CRACD: variants seen among roughly 807,000 people sequenced by gnomAD.
CRACD encodes capping protein inhibiting regulator of actin dynamics.
In CRACD, 56 loss-of-function variants were observed where a neutral mutation model predicts 106.8. The ratio of observed to expected loss-of-function variants is 0.52; its 90% CI spans 0.42 to 0.66. The LOEUF is 0.66. Among genes scored for constraint, CRACD ranks in the 30% least tolerant of loss-of-function variants. The pLI is 0.00. For missense variants in CRACD, 1,730 were observed against 1,623.2 expected (o/e 1.07, Z -1.13); for synonymous variants, 754 against 670.8 (o/e 1.12, Z -1.92).
At chr4:56,313,481 A>G in intron 7 of CRACD, 102 bp downstream of exon 7, 1 of 1,029,140 alleles carries the variant, frequency 9.7e-7, no homozygotes, top group Non-Finnish European at 1.4e-6. Context: ...TAAAGACCTG[A>G]GAGTCTCCCC....
intron 2 of CRACD, among the ~76,000 whole-genome samples, chr4:56,226,137 C>A (rs1235900847): frequency 1.3e-5 from 2 of 152,004 alleles, no homozygotes; most frequent in African/African-American, 4.8e-5. Flanking sequence ...GGGTTTTCTA[C>A]CAAGGTTGGA....
At chr4:56,222,590 C>A (rs911982210) in intron 2 of CRACD, among the ~76,000 whole-genome samples, 12 of 152,012 alleles carry the variant, frequency 7.9e-5, no homozygotes, top group African/African-American at 2.7e-4. Context: ...TAAAAGAATT[C>A]ACTTTATGCC....
chr4:56,237,575 C>T (rs1159636197), intron 2 of CRACD, among the ~76,000 whole-genome samples: 1 of 152,022 alleles, frequency 6.6e-6, no homozygotes, highest in Non-Finnish European at 1.5e-5. Context: ...AATATTTAAT[C>T]ATTTGCCTGT....
intron 2 of CRACD, among the ~76,000 whole-genome samples, chr4:56,245,453 T>G (rs1360561128): frequency 1.3e-5 from 2 of 152,158 alleles, no homozygotes; most frequent in East Asian, 1.9e-4. Context: ...AGCAAACAAA[T>G]GCAGAAATGT....
intron 5 of CRACD, among the ~76,000 whole-genome samples, chr4:56,310,282 G>A (rs928899904): frequency 6.6e-5 from 10 of 152,148 alleles, no homozygotes; most frequent in African/African-American, 2.2e-4. Flanking sequence ...CTGGAGAAGG[G>A]GAGAGGCAGC....
rs530001228 is a variant in CRACD, at chr4:56,234,571, CTGTT to C, written c.-188-37745_-188-37742del. On this transcript the variant is annotated intron_variant, in intron 2 of 10. Coordinates refer to ENST00000682029, the MANE Select transcript of CRACD (RefSeq NM_001393381.1). ...TGGTGATTCCATCAATTTTTAAACT[CTGTT>C]TGTTATAATAAAAATATTATTTTTG... 8.6e-4 allele frequency among the ~76,000 whole-genome samples: 131 copies of C among 152,130 alleles called. 1 individual carries two copies. The highest frequency in any genetic ancestry group is 2.0e-3 in the Admixed American group (31 of 15,266).
At chr4:56,256,868 G>A (rs1741387176) in intron 2 of CRACD, among the ~76,000 whole-genome samples, 1 of 152,094 alleles carries the variant, frequency 6.6e-6, no homozygotes, top group Non-Finnish European at 1.5e-5. Context: ...ACTAGTTCAG[G>A]CCATTATGGG....
intron 8 of CRACD, among the ~76,000 whole-genome samples, chr4:56,322,278 A>G (rs1490042569): frequency 1.3e-5 from 2 of 152,224 alleles, no homozygotes; most frequent in Non-Finnish European, 2.9e-5. Flanking sequence ...CCAATAAGAC[A>G]TTATCATCTC....
intron 3 of CRACD, among the ~76,000 whole-genome samples, chr4:56,278,991 A>G (rs1742841819): frequency 6.6e-6 from 1 of 152,246 alleles, no homozygotes; most frequent in Non-Finnish European, 1.5e-5. Flanking sequence ...GATAGACAGT[A>G]ACAAGTGTTG....
At chr4:56,204,381 G>A (rs754043929) in intron 2 of CRACD, among the ~76,000 whole-genome samples, 3 of 152,290 alleles carry the variant, frequency 2.0e-5, no homozygotes, top group African/African-American at 4.8e-5. Context: ...TGGGAAGTTC[G>A]AGGTCAAGGG....
intron 2 of CRACD, among the ~76,000 whole-genome samples, chr4:56,222,698 C>T (rs1222062182): frequency 6.6e-6 from 1 of 152,030 alleles, no homozygotes; most frequent in Non-Finnish European, 1.5e-5. Flanking sequence ...GTAATCCCAG[C>T]ACTTTGGGAG....
chr4:56,204,472 G>A (rs1738030342), intron 2 of CRACD, among the ~76,000 whole-genome samples: 1 of 152,234 alleles, frequency 6.6e-6, no homozygotes, highest in African/African-American at 2.4e-5. Context: ...GAGCAAGACA[G>A]AAGGGGTGGA....
At chr4:56,204,561 C>T (rs1356313549) in intron 2 of CRACD, among the ~76,000 whole-genome samples, 1 of 152,184 alleles carries the variant, frequency 6.6e-6, no homozygotes, top group Non-Finnish European at 1.5e-5. Context: ...GACCTGATCA[C>T]CTCTTAAAGA....
chr4:56,135,022 G>A (rs903376199), intron 1 of CRACD, among the ~76,000 whole-genome samples: 1 of 151,942 alleles, frequency 6.6e-6, no homozygotes, highest in East Asian at 1.9e-4. Flanking sequence ...GGTGACTCAC[G>A]CCTGTAATCC....
intron 1 of CRACD, among the ~76,000 whole-genome samples, chr4:56,091,166 C>A (rs1733412669): frequency 1.3e-5 from 2 of 152,010 alleles, no homozygotes; most frequent in South Asian, 2.1e-4. Context: ...AATCTTTGTG[C>A]CTCAGCCTCC....
intron 1 of CRACD, among the ~76,000 whole-genome samples, chr4:56,119,455 C>T (rs1026335815): frequency 1.3e-5 from 2 of 151,948 alleles, no homozygotes; most frequent in African/African-American, 2.4e-5. Context: ...CTCAGACTCC[C>T]AAGTAGCTGG....
At chr4:56,287,889 T>A (rs968144472) in intron 3 of CRACD, among the ~76,000 whole-genome samples, 8 of 152,234 alleles carry the variant, frequency 5.3e-5, no homozygotes, top group Non-Finnish European at 1.2e-4. Context: ...TGTTTTAAGA[T>A]GTAGGTAGAA....
chr4:56,051,195 G>A (rs1301907394), intron 1 of CRACD, among the ~76,000 whole-genome samples: 1 of 152,094 alleles, frequency 6.6e-6, no homozygotes, highest in Non-Finnish European at 1.5e-5. Flanking sequence ...TGTAGTCATG[G>A]AAAGAAAGAA....
Position 56,314,535 on chromosome 4 carries a change from A to G in CRACD, c.1033A>G (p.Arg345Gly), listed in dbSNP as rs181288707. The G allele has an allele frequency of 9.9e-3, 14,947 of 1,507,448 alleles. 103 individuals carry two copies. Among genetic ancestry groups the G allele is most frequent in the Middle Eastern group, 0.034 (144 of 4,274 alleles). The allele number at this position is 1,507,448 out of a possible 1,614,324, so 93.4% of individuals were successfully genotyped here. A position where few individuals can be genotyped will look rare whatever the true frequency, so the allele number is the denominator to read the frequency against. The change falls in exon 8 of 11, where the codon AGG becomes GGG. Residue 345 changes from arginine to glycine, a missense_variant. Arg to Gly is a moderately radical substitution (Grantham distance 125, BLOSUM62 -2). Coordinates refer to ENST00000682029, the MANE Select transcript of CRACD (RefSeq NM_001393381.1). The surrounding 1 kb of genome is among the most constrained non-coding windows in gnomAD (Gnocchi z 4.4). ...GGAGGACGCCAGGCTGGAGGAGCGG[A>G]GGCGGCAGGAGGAGGAGGAAGGAAG... ...LEEDARLEERRRQEEEEGRCA... is the reference protein window; with the variant it reads ...LEEDARLEERGRQEEEEGRCA...
Sources: allele counts gnomAD v4.1 joint callset (sites outside exome capture counted in the v4.1 genomes callset), GRCh38; gene constraint gnomAD v4.1.1; non-coding constraint Gnocchi (gnomAD v3.1); transcripts MANE v1.5; gene names NCBI Gene and HGNC (gene_info 2026-07-23, HGNC 2026-07-21).